The following GAD1 variants were observed in gnomAD, a reference collection of about 807,000 sequenced individuals.
GAD1 encodes the protein glutamate decarboxylase 1, also known as 67 kDa glutamic acid decarboxylase.
In GAD1, 35 loss-of-function variants were observed where a neutral mutation model predicts 75.2. The ratio of observed to expected loss-of-function variants is 0.47; its 90% CI spans 0.36 to 0.62. The LOEUF (loss-of-function observed/expected upper bound fraction) is 0.62, where lower values mean the gene tolerates loss of function less well. GAD1 is among the 20% of genes least tolerant of loss of function. GAD1 has a pLI of 0.00. For synonymous variants in GAD1, 257 were observed against 271.9 expected, an observed-to-expected ratio of 0.95 and a Z score of 0.54; for missense variants, 490 against 758.5, an observed-to-expected ratio of 0.65 and a Z score of 4.16.
chr2:170,818,548 A>G lies in GAD1; in HGVS notation c.-44A>G. ...TTGCAGCCTGTTTCTGCGCCGGACC[A>G]GTCGAGGACTCTGGACAGTAGAGGC... is the stretch of plus-strand genomic sequence containing the variant. On this transcript the variant is annotated 5_prime_UTR_variant, in exon 2 of 17. Coordinates refer to ENST00000358196, the MANE Select transcript of GAD1 (RefSeq NM_000817.3). This position sits in a 1 kb window ranked among gnomAD's most constrained non-coding sequence, Gnocchi z 5.9. 2 of 1,555,366 alleles carry G rather than the reference A, an allele frequency of 1.3e-6. No individual in the cohort carries two copies. The highest frequency in any genetic ancestry group is 2.2e-5 in the East Asian group (1 of 44,566).
In GAD1 at chr2:170,852,780, C is replaced by T. The variant is rs35426017; in HGVS notation, c.1251C>T (p.Leu417=). Residue 417 remains leucine, a synonymous_variant, in exon 13 of 17, where the codon CTC becomes CTT. Coordinates refer to ENST00000358196, the MANE Select transcript of GAD1 (RefSeq NM_000817.3). The part of the protein sequence containing the change: ...MGVLLQCSAI[L]VKEKGILQGC... Reference sequence around the variant, plus strand: ...TGCTGTTGCAGTGCTCTGCCATTCTCGTCAAGGAAAAGGTCTGTACTCCCT... The same window carrying T: ...TGCTGTTGCAGTGCTCTGCCATTCTTGTCAAGGAAAAGGTCTGTACTCCCT... 4.7e-4 allele frequency: 760 copies of T among 1,614,078 alleles called. 3 individuals are homozygous for T. Among genetic ancestry groups the T allele is most frequent in the Middle Eastern group, 4.6e-3 (28 of 6,062 alleles).
chr2:170,825,876 C>T (rs781528795), intron 3 of GAD1, among the ~76,000 whole-genome samples: 2 of 152,190 alleles, frequency 1.3e-5, no homozygotes, highest in African/African-American at 4.8e-5. Flanking sequence ...GGGTGTAGAG[C>T]AAGAGGGAGT....
chr2:170,834,860 C>T (rs1304165866), intron 5 of GAD1, among the ~76,000 whole-genome samples: 1 of 151,010 alleles, frequency 6.6e-6, no homozygotes, highest in African/African-American at 2.4e-5. Flanking sequence ...AACCTCCCCT[C>T]TTGGGTTCAA....
chr2:170,838,528 T>C (rs1235373092), intron 6 of GAD1, among the ~76,000 whole-genome samples: 21 of 152,220 alleles, frequency 1.4e-4, no homozygotes, highest in Admixed American at 1.4e-3. Context: ...AAGATACATA[T>C]CTATTAAAGT....
At chr2:170,824,378 TACACACACACACACACACACAC>T (rs10529529) in intron 3 of GAD1, among the ~76,000 whole-genome samples, 56 of 146,406 alleles carry the variant, frequency 3.8e-4, no homozygotes, top group Non-Finnish European at 6.2e-4. Context: ...CCTGCCTGCC[TACACACACACACACACACACAC>T]ACACACACAC....
At chr2:170,832,667 C>A (rs993798919) in intron 5 of GAD1, among the ~76,000 whole-genome samples, 4 of 21,742 alleles carry the variant, frequency 1.8e-4, no homozygotes, top group African/African-American at 3.6e-4. Context: ...CGCGCGCGCA[C>A]ACACACACAC....
chr2:170,852,697 TCA>T lies in GAD1; in HGVS notation c.1185-16_1185-15del, dbSNP rs773614932. On this transcript the variant is annotated splice_polypyrimidine_tract_variant and intron_variant, in intron 12 of 16. Coordinates refer to ENST00000358196, the MANE Select transcript of GAD1 (RefSeq NM_000817.3). The stretch of plus-strand genomic sequence containing the variant: ...CCAACTCCTGCACCTTCTCGAAGTC[TCA>T]TGTGCTTCTTTCAGGGCCAACTCAG... 2 of 1,612,652 alleles carry T rather than the reference TCA, an allele frequency of 1.2e-6. No individual in the cohort carries two copies. The highest frequency in any genetic ancestry group is 1.7e-6 in the Non-Finnish European group (2 of 1,178,590).
chr2:170,857,665 G>A (rs946842189), intron 15 of GAD1, among the ~76,000 whole-genome samples: 12 of 152,106 alleles, frequency 7.9e-5, no homozygotes, highest in Non-Finnish European at 1.2e-4. Context: ...TATAGGATGG[G>A]TATATTCTTA....
upstream of GAD1, among the ~76,000 whole-genome samples, chr2:170,815,336 C>A (rs2105742543): frequency 6.6e-6 from 1 of 152,290 alleles, no homozygotes; most frequent in South Asian, 2.1e-4. Context: ...CCGGGGATTT[C>A]ATCGTCAGGT....
chr2:170,834,459 T>C (rs887378407), intron 5 of GAD1, among the ~76,000 whole-genome samples: 2 of 152,166 alleles, frequency 1.3e-5, no homozygotes, highest in Admixed American at 6.5e-5. Context: ...AATAAAAGAC[T>C]TCTTTTAAAA....
chr2:170,852,614 A>G, intron 12 of GAD1, 100 bp from the exon 13 acceptor site: 1 of 955,358 alleles, frequency 1.0e-6, no homozygotes, highest in South Asian at 1.3e-5. Context: ...AGGCATGGAT[A>G]ATATTTACTA....
intron 15 of GAD1, 145 bp from the exon 16 acceptor site, chr2:170,858,659 T>A: frequency 1.4e-6 from 1 of 731,120 alleles, no homozygotes; most frequent in South Asian, 1.5e-5. Flanking sequence ...TTCTCCCTGG[T>A]GTGGAAGTAA....
At position 170,853,939 on chromosome 2, in the gene GAD1, G is replaced by A; in HGVS notation, c.1330G>A (p.Val444Ile). The A allele has an allele frequency of 1.9e-6, 3 of 1,614,132 alleles. No homozygotes were observed. Among genetic ancestry groups the A allele is most frequent in the African/African-American group, 1.3e-5 (1 of 75,026 alleles). ...YLFQPDKQYD[V>I]SYDTGDKAIQ... ...CTTCCAGCCAGACAAGCAGTATGATGTCTCCTACGACACCGGGGACAAGGC... is the reference window on the plus strand; with the variant it reads ...CTTCCAGCCAGACAAGCAGTATGATATCTCCTACGACACCGGGGACAAGGC... Residue 444 changes from valine to isoleucine, a missense_variant, in exon 14 of 17, where the codon GTC becomes ATC. By Grantham distance (29) the Val-to-Ile change is conservative. Transcript: ENST00000358196. This position sits in a 1 kb window ranked among gnomAD's most constrained non-coding sequence, Gnocchi z 4.1.
At chr2:170,832,670 A>ACGCG (rs1702267835) in intron 5 of GAD1, among the ~76,000 whole-genome samples, 1 of 94,214 alleles carries the variant, frequency 1.1e-5, no homozygotes, top group African/African-American at 3.1e-5. Context: ...GCGCGCACAC[A>ACGCG]CACACACACA....
chr2:170,824,011 G>A (rs1701963120), intron 3 of GAD1, among the ~76,000 whole-genome samples: 2 of 152,212 alleles, frequency 1.3e-5, no homozygotes, highest in Admixed American at 1.3e-4. Context: ...AAAGAGGCGG[G>A]AAAGAGTGGG....
In GAD1 at chr2:170,860,438, G is replaced by A. The variant is rs1024873039; in HGVS notation, c.*556G>A. The A allele has an allele frequency of 6.4e-6, 1 of 157,370 alleles. No individual in the cohort carries two copies. The highest frequency in any genetic ancestry group is 1.4e-5 in the Non-Finnish European group (1 of 70,836). 9.7% of individuals were successfully genotyped at this position (157,370 alleles called of 1,614,324 possible). On this transcript the variant is annotated 3_prime_UTR_variant, in exon 17 of 17. Transcript: ENST00000358196. ...AGGGGAAAATAGTAGCAGAGTCATTGTTACAGGTGTACTATGGCTGTATTT... is the reference window on the plus strand; with the variant it reads ...AGGGGAAAATAGTAGCAGAGTCATTATTACAGGTGTACTATGGCTGTATTT...
intron 14 of GAD1, among the ~76,000 whole-genome samples, chr2:170,855,866 C>CAAA (rs1702839717): frequency 9.0e-6 from 1 of 111,078 alleles, no homozygotes; most frequent in Non-Finnish European, 1.7e-5. Flanking sequence ...GAGTGAGACT[C>CAAA]CATCTCAAAA....
At chr2:170,843,813 GT>G (rs774383752) in intron 6 of GAD1, 12 of 529,034 alleles carry the variant, frequency 2.3e-5, no homozygotes, top group Admixed American at 3.2e-5. Flanking sequence ...TATTTTGTTG[GT>G]GAAGTATCAC....
chr2:170,822,497 G>T (rs574796779), intron 3 of GAD1, among the ~76,000 whole-genome samples: 1 of 152,230 alleles, frequency 6.6e-6, no homozygotes, highest in Non-Finnish European at 1.5e-5. Flanking sequence ...ACCCGGTGCC[G>T]TGCACTCTGC....
Sources: allele counts gnomAD v4.1 joint callset (sites outside exome capture counted in the v4.1 genomes callset), GRCh38; gene constraint gnomAD v4.1.1; non-coding constraint Gnocchi (gnomAD v3.1); transcripts MANE v1.5; gene names NCBI Gene and HGNC (gene_info 2026-07-23, HGNC 2026-07-21).